TSPAN32: variants seen among roughly 807,000 people sequenced by gnomAD.
TSPAN32 encodes tetraspanin-32.
In TSPAN32, 47 loss-of-function variants were observed where a neutral mutation model predicts 42.7. The ratio of observed to expected loss-of-function variants is 1.10; its 90% CI spans 0.87 to 1.40. The LOEUF is 1.40. Ranked by LOEUF, TSPAN32 falls within the 40% of genes most tolerant of loss-of-function variation. The probability of loss-of-function intolerance (pLI) is 0.00; values close to 1 mark genes in which losing one functional copy is unlikely to be tolerated. For missense variants in TSPAN32, 469 were observed against 424.1 expected, an observed-to-expected ratio of 1.11 and a Z score of -0.93; for synonymous variants, 175 against 175.9, an observed-to-expected ratio of 0.99 and a Z score of 0.04.
rs1283385633 is a variant in TSPAN32 at position 2,313,456 on chromosome 11, T to C, written c.355-198T>C. Among the ~76,000 whole-genome samples the C allele has an allele frequency of 2.6e-5, 4 of 152,086 alleles. No individual in the cohort carries two copies. Among genetic ancestry groups the C allele is most frequent in the African/African-American group, 7.2e-5 (3 of 41,410 alleles). ...CGGCCATTGTGTGAAGGCCCCATCG[T>C]TGATGTTGGGAAGCACTGTGACTGG... On this transcript the variant is annotated intron_variant, in intron 4 of 9. Coordinates refer to ENST00000182290, the MANE Select transcript of TSPAN32 (RefSeq NM_139022.3). This position sits in a 1 kb window ranked among gnomAD's most constrained non-coding sequence, Gnocchi z 9.1.
rs370234256 is a variant in TSPAN32, at chr11:2,316,572, C to G, written c.628-4C>G. On this transcript the variant is annotated splice_polypyrimidine_tract_variant and splice_region_variant and intron_variant, in intron 7 of 9. Coordinates refer to ENST00000182290, the MANE Select transcript of TSPAN32 (RefSeq NM_139022.3). ...TGGGGCAGCCGCGGGTGTCTCCCTC[C>G]CAGGTGTCCGCCTTGCTCTTCAGCT... is the stretch of plus-strand genomic sequence containing the variant. 1.9e-6 allele frequency: 3 copies of G among 1,594,898 alleles called. No individual in the cohort carries two copies. Among genetic ancestry groups the G allele is most frequent in the Non-Finnish European group, 2.6e-6 (3 of 1,168,558 alleles).
In TSPAN32 at chr11:2,317,889, C is replaced by A; in HGVS notation, c.928C>A (p.Leu310Ile). The A allele has an allele frequency of 1.4e-6, 2 of 1,421,352 alleles. No homozygotes were observed. Among genetic ancestry groups the A allele is most frequent in the South Asian group, 1.1e-5 (1 of 87,300 alleles). 88.0% of individuals were successfully genotyped at this position (1,421,352 alleles called of 1,614,324 possible). The change falls in exon 10 of 10, where the codon CTC (leucine) becomes ATC (isoleucine). Residue 310 changes from leucine (L) to isoleucine (I), a missense_variant. By Grantham distance (5) the Leu-to-Ile change is conservative. Transcript: ENST00000182290. The surrounding 1 kb of genome is among the most constrained non-coding windows in gnomAD (Gnocchi z 6.2). ...TCTCCAGGGCAGAAGTCGCGGTGGG[C>A]TCAGTGGGTGCCCTGAGCGGGGTCT... ...RALQGRSRGG[L>I]SGCPERGLSD
At chr11:2,315,566 G>A in intron 6 of TSPAN32, 1 of 1,174,126 alleles carries the variant, frequency 8.5e-7, no homozygotes, top group South Asian at 1.7e-5. Flanking sequence ...CAGGCACGGA[G>A]CCACCCAGAT....
intron 6 of TSPAN32, chr11:2,315,193 C>A: frequency 5.4e-6 from 6 of 1,116,334 alleles, no homozygotes; most frequent in Non-Finnish European, 6.7e-6. Flanking sequence ...CCCTGCTCCC[C>A]TCCCCGCTCC....
chr11:2,308,888 C>T (rs1589804989), intron 4 of TSPAN32, 78 bp downstream of exon 4: 2 of 986,978 alleles, frequency 2.0e-6, no homozygotes, highest in Middle Eastern at 2.2e-4. Flanking sequence ...GGGGAGCAGT[C>T]CTGGGAGGAG....
intron 4 of TSPAN32, among the ~76,000 whole-genome samples, chr11:2,311,851 G>A (rs1010649426): frequency 3.3e-5 from 5 of 152,242 alleles, no homozygotes; most frequent in Non-Finnish European, 7.3e-5. Flanking sequence ...AGCCTGGAAT[G>A]GAGACAGACG....
intron 6 of TSPAN32, 174 bp downstream of exon 6, chr11:2,314,745 G>A (rs1053285000): frequency 1.6e-6 from 1 of 608,124 alleles, no homozygotes; most frequent in Non-Finnish European, 2.9e-6. Flanking sequence ...AGGCTAGTTA[G>A]GGTTCATGGT....
At chr11:2,312,609 C>G (rs1200416626) in intron 4 of TSPAN32, among the ~76,000 whole-genome samples, 2 of 152,224 alleles carry the variant, frequency 1.3e-5, no homozygotes, top group African/African-American at 2.4e-5. Flanking sequence ...CCTCCACTGC[C>G]CACTGCCCGC....
In TSPAN32 at chr11:2,317,456, A is replaced by G. The variant is rs752637049; in HGVS notation, c.832A>G (p.Ser278Gly). 2.5e-6 allele frequency: 4 copies of G among 1,602,624 alleles called. No homozygotes were observed. Among genetic ancestry groups the G allele is most frequent in the South Asian group, 1.1e-5 (1 of 89,038 alleles). The change falls in exon 9 of 10, where the codon AGT becomes GGT. Residue 278 changes from serine to glycine, a missense_variant. Coordinates refer to ENST00000182290, the MANE Select transcript of TSPAN32 (RefSeq NM_139022.3). The surrounding 1 kb of genome is among the most constrained non-coding windows in gnomAD (Gnocchi z 6.2). Reference sequence around the variant, plus strand: ...TATTGGTCCAAGAGGATGCTCGGGTAGTCTTCGGTGGCTGCAGGAGAGCGA... The same window carrying G: ...TATTGGTCCAAGAGGATGCTCGGGTGGTCTTCGGTGGCTGCAGGAGAGCGA... ...VAIGPRGCSG[S>G]LRWLQESDAA...
rs2133295016 is a variant in TSPAN32 at position 2,304,795 on chromosome 11, C to G, written c.279+591C>G. On this transcript the variant is annotated intron_variant, in intron 3 of 9. Transcript: ENST00000182290. This position sits in a 1 kb window ranked among gnomAD's most constrained non-coding sequence, Gnocchi z 4.8. ...TTGTCACCCTCATTCCTACTCCTCC[C>G]CATGGGCTTCTGTCTTGGTCCCTGC... Among the ~76,000 whole-genome samples, 1 of 152,224 alleles carries G rather than the reference C, an allele frequency of 6.6e-6. No individual in the cohort carries two copies. Among genetic ancestry groups the G allele is most frequent in the East Asian group, 1.9e-4 (1 of 5,154 alleles).
intron 6 of TSPAN32, 172 bp from the exon 7 acceptor site, chr11:2,316,057 T>C (rs1186884037): frequency 1.3e-6 from 2 of 1,534,154 alleles, no homozygotes; most frequent in Non-Finnish European, 1.7e-6. Context: ...CACCTGCTCG[T>C]GCTGCCTTTC....
chr11:2,302,771 T>C, intron 1 of TSPAN32, 73 bp from the exon 2 acceptor site: 1 of 1,294,020 alleles, frequency 7.7e-7, no homozygotes, highest in Middle Eastern at 1.8e-4. Flanking sequence ...GCCCCAACCC[T>C]GCCCGCTGGG....
In TSPAN32 at chr11:2,313,979, G is replaced by A; in HGVS notation, c.456+224G>A. On this transcript the variant is annotated intron_variant, in intron 5 of 9. Transcript: ENST00000182290. This position sits in a 1 kb window ranked among gnomAD's most constrained non-coding sequence, Gnocchi z 9.1. Reference sequence around the variant, plus strand: ...TCTCGAGGCCCAGTGCAAAACGAGAGGGCAGGGCCCTGTATTCAGAAACAC... The same window carrying A: ...TCTCGAGGCCCAGTGCAAAACGAGAAGGCAGGGCCCTGTATTCAGAAACAC... Among the ~76,000 whole-genome samples the A allele has an allele frequency of 6.6e-6, 1 of 152,034 alleles. No homozygotes were observed. Among genetic ancestry groups the A allele is most frequent in the African/African-American group, 2.4e-5 (1 of 41,382 alleles).
In TSPAN32 at chr11:2,313,517, C is replaced by T. The variant is rs763772413; in HGVS notation, c.355-137C>T. ...ACCCAGGTTCCGCTTTGGGGAGATC[C>T]ACCTGCTACAAGGAGGGCAGTGCTG... On this transcript the variant is annotated intron_variant, in intron 4 of 9. Coordinates refer to ENST00000182290, the MANE Select transcript of TSPAN32 (RefSeq NM_139022.3). The surrounding 1 kb of genome is among the most constrained non-coding windows in gnomAD (Gnocchi z 9.1). 75 of 653,580 alleles carry T rather than the reference C, an allele frequency of 1.1e-4. No homozygotes were observed. The highest frequency in any genetic ancestry group is 1.1e-3 in the African/African-American group (61 of 54,894). The allele number at this position is 653,580 out of a possible 1,614,324, so 40.5% of individuals were successfully genotyped here.
chr11:2,318,128 A>C lies in TSPAN32; in HGVS notation c.*204A>C. 1.8e-6 allele frequency: 1 copy of C among 550,860 alleles called. No individual in the cohort carries two copies. Among genetic ancestry groups the C allele is most frequent in the Non-Finnish European group, 3.2e-6 (1 of 314,960 alleles). The allele number at this position is 550,860 out of a possible 1,614,324, so 34.1% of individuals were successfully genotyped here. A position where few individuals can be genotyped will look rare whatever the true frequency, so the allele number is the denominator to read the frequency against. Reference sequence around the variant, plus strand: ...TTGTGGTCAAATATACATCACATCAAATTTACCATCTTAACCATTGTTAAG... The same window carrying C: ...TTGTGGTCAAATATACATCACATCACATTTACCATCTTAACCATTGTTAAG... On this transcript the variant is annotated 3_prime_UTR_variant, in exon 10 of 10. Coordinates refer to ENST00000182290, the MANE Select transcript of TSPAN32 (RefSeq NM_139022.3). This position sits in a 1 kb window ranked among gnomAD's most constrained non-coding sequence, Gnocchi z 4.2.
At chr11:2,303,073 C>A in intron 2 of TSPAN32, 115 bp downstream of exon 2, 1 of 957,282 alleles carries the variant, frequency 1.0e-6, no homozygotes, top group Non-Finnish European at 1.6e-6. Flanking sequence ...AGGCAGGAGC[C>A]AGAGGTGGTC....
chr11:2,316,035 C>T, intron 6 of TSPAN32, 194 bp from the exon 7 acceptor site: 1 of 1,534,480 alleles, frequency 6.5e-7, no homozygotes, highest in Non-Finnish European at 8.7e-7. Context: ...CCAGCCCTGT[C>T]CCACTGGGCT....
rs59548260 is a variant in TSPAN32 at position 2,317,299 on chromosome 11, C to G, written c.720-45C>G. The G allele has an allele frequency of 1.4e-4, 215 of 1,487,878 alleles. No homozygotes were observed. The African/African-American group carries it at 2.7e-3, about 19-fold the overall frequency. The allele number at this position is 1,487,878 out of a possible 1,614,324, so 92.2% of individuals were successfully genotyped here. A position where few individuals can be genotyped will look rare whatever the true frequency, so the allele number is the denominator to read the frequency against. ...ATTCCACAATAGCCTCACAGGTCCC[C>G]TGTAGAACATTCCACCACAGCCCCA... On this transcript the variant is annotated intron_variant, in intron 8 of 9. Coordinates refer to ENST00000182290, the MANE Select transcript of TSPAN32 (RefSeq NM_139022.3). The surrounding 1 kb of genome is among the most constrained non-coding windows in gnomAD (Gnocchi z 6.2).
chr11:2,304,668 G>A lies in TSPAN32; in HGVS notation c.279+464G>A, dbSNP rs1274747462. On this transcript the variant is annotated intron_variant, in intron 3 of 9. Transcript: ENST00000182290. The surrounding 1 kb of genome is among the most constrained non-coding windows in gnomAD (Gnocchi z 4.8). ...AAACGCCCCTTGAGCTCTCCAGCCT[G>A]GGCTCTCCGGAGCTGCACACTCTCC... Among the ~76,000 whole-genome samples the A allele has an allele frequency of 6.6e-5, 10 of 152,000 alleles. No individual in the cohort carries two copies. Among genetic ancestry groups the A allele is most frequent in the Admixed American group, 6.5e-4 (10 of 15,270 alleles).
Sources: allele counts gnomAD v4.1 joint callset (sites outside exome capture counted in the v4.1 genomes callset), GRCh38; gene constraint gnomAD v4.1.1; non-coding constraint Gnocchi (gnomAD v3.1); transcripts MANE v1.5; gene names NCBI Gene and HGNC (gene_info 2026-07-23, HGNC 2026-07-21).